Variants in GALNT17 observed in about 807,000 individuals in gnomAD.
The protein encoded by GALNT17 is UDP-GalNAc:polypeptide N-acetylgalactosaminyltransferase-like 3.
A neutral mutation model predicts 63.7 loss-of-function variants in GALNT17; 29 were observed. The observed-to-expected ratio is 0.46, with a 90% CI of 0.34 to 0.62. GALNT17 has a LOEUF of 0.62. GALNT17 is among the 20% of genes least tolerant of loss of function. The pLI is 0.01. For synonymous variants in GALNT17, 305 were observed against 318.3 expected (o/e 0.96, Z 0.45); for missense variants, 603 against 799.6 (o/e 0.75, Z 2.97).
At chr7:71,324,085 A>T (rs1362748621) in intron 1 of GALNT17, among the ~76,000 whole-genome samples, 1 of 152,222 alleles carries the variant, frequency 6.6e-6, no homozygotes, top group Non-Finnish European at 1.5e-5. Flanking sequence ...CCTTAAACAA[A>T]GGAAACAGCA....
At chr7:71,422,151 C>T (rs546984787) in intron 5 of GALNT17, among the ~76,000 whole-genome samples, 42 of 151,892 alleles carry the variant, frequency 2.8e-4, no homozygotes, top group African/African-American at 9.9e-4. Context: ...GTCAGGAGGG[C>T]TGGGTCAGGA....
In GALNT17 at chr7:71,172,455, T is replaced by TA. The variant is rs917331898; in HGVS notation, c.238+39426dup. On this transcript the variant is annotated intron_variant, in intron 1 of 10. Coordinates refer to ENST00000333538, the MANE Select transcript of GALNT17 (RefSeq NM_022479.3). ...AGCCCGGGTGACAGACACTCTGTCTTAAAAAAAAAAAGAAAAAAAAAAAAG... is the reference window on the plus strand; with the variant it reads ...AGCCCGGGTGACAGACACTCTGTCTTAAAAAAAAAAAAGAAAAAAAAAAAAG... 2.8e-3 allele frequency among the ~76,000 whole-genome samples: 367 copies of TA among 129,710 alleles called. 1 individual carries two copies. Among genetic ancestry groups the TA allele is most frequent in the African/African-American group, 9.2e-3 (297 of 32,206 alleles). 85.1% of individuals were successfully genotyped at this position (129,710 alleles called of 152,430 possible). A position where few individuals can be genotyped will look rare whatever the true frequency, so the allele number is the denominator to read the frequency against.
At chr7:71,616,823 T>C (rs1171891748) in intron 6 of GALNT17, among the ~76,000 whole-genome samples, 1 of 70,382 alleles carries the variant, frequency 1.4e-5, no homozygotes, top group Non-Finnish European at 2.9e-5. Context: ...AATTATATAA[T>C]CATATTATAT....
intron 4 of GALNT17, among the ~76,000 whole-genome samples, chr7:71,418,455 G>A (rs920775136): frequency 2.6e-5 from 4 of 152,128 alleles, no homozygotes; most frequent in African/African-American, 7.2e-5. Flanking sequence ...CGTCAGCTGC[G>A]GTTGTCTGGC....
At chr7:71,685,946 C>CTTT (rs1347994922) in intron 9 of GALNT17, among the ~76,000 whole-genome samples, 14 of 86,818 alleles carry the variant, frequency 1.6e-4, no homozygotes, top group African/African-American at 6.4e-4. Flanking sequence ...AAGGCAATTA[C>CTTT]TATTTTTTTT....
At chr7:71,448,716 G>A (rs1191453545) in intron 5 of GALNT17, among the ~76,000 whole-genome samples, 1 of 152,086 alleles carries the variant, frequency 6.6e-6, no homozygotes, top group African/African-American at 2.4e-5. Flanking sequence ...TTGAATCAGA[G>A]AATACAGGCG....
intron 1 of GALNT17, among the ~76,000 whole-genome samples, chr7:71,276,462 C>T (rs1370107965): frequency 3.3e-5 from 5 of 152,158 alleles, no homozygotes; most frequent in South Asian, 2.1e-4. Flanking sequence ...CCCCACATGT[C>T]GTGGGAGGGA....
Position 71,367,501 on chromosome 7 carries a change from G to A in GALNT17, c.423-20734G>A, listed in dbSNP as rs984333334. ...AGCTTCCCTTCTGTTTGACATGTTT[G>A]TTGGTGGTTTCCAGACAAGTGTCCC... On this transcript the variant is annotated intron_variant, in intron 2 of 10. Coordinates refer to ENST00000333538, the MANE Select transcript of GALNT17 (RefSeq NM_022479.3). Among the ~76,000 whole-genome samples, 8 of 152,306 alleles carry A rather than the reference G, an allele frequency of 5.3e-5. No homozygotes were observed. The East Asian group carries it at 1.5e-3, about 29-fold the overall frequency.
At chr7:71,648,473 G>C (rs941573711) in intron 6 of GALNT17, among the ~76,000 whole-genome samples, 1 of 151,974 alleles carries the variant, frequency 6.6e-6, no homozygotes, top group Non-Finnish European at 1.5e-5. Context: ...ACGGGGTCTT[G>C]TTATGTTGCC....
intron 5 of GALNT17, among the ~76,000 whole-genome samples, chr7:71,482,568 A>ATTT (rs578135530): frequency 1.1e-4 from 17 of 152,306 alleles, no homozygotes; most frequent in African/African-American, 4.1e-4. Context: ...CTGTATGGTA[A>ATTT]AGCGTGTTGC....
intron 1 of GALNT17, among the ~76,000 whole-genome samples, chr7:71,259,631 G>GTTTTTT (rs1164044325): frequency 1.6e-4 from 21 of 129,844 alleles, no homozygotes; most frequent in African/African-American, 5.9e-4. Flanking sequence ...GTCCTGTTTT[G>GTTTTTT]TTTTTTGTTT....
At chr7:71,149,510 T>C (rs764626066) in intron 1 of GALNT17, among the ~76,000 whole-genome samples, 1 of 152,068 alleles carries the variant, frequency 6.6e-6, no homozygotes, top group Non-Finnish European at 1.5e-5. Flanking sequence ...ACAAGGATGC[T>C]GTCAACTAGG....
intron 6 of GALNT17, 91 bp from the exon 7 acceptor site, chr7:71,665,318 CAA>C: frequency 7.6e-7 from 1 of 1,322,778 alleles, no homozygotes; most frequent in Non-Finnish European, 1.0e-6. Context: ...TACGTTTATG[CAA>C]AGTCAGCTGA....
chr7:71,465,993 A>G (rs186911648), intron 5 of GALNT17, among the ~76,000 whole-genome samples: 181 of 152,288 alleles, frequency 1.2e-3, no homozygotes, highest in African/African-American at 4.1e-3. Flanking sequence ...CAGACTCTCA[A>G]TCTCTCCTGG....
At chr7:71,171,225 C>T (rs560248017) in intron 1 of GALNT17, among the ~76,000 whole-genome samples, 6 of 152,230 alleles carry the variant, frequency 3.9e-5, no homozygotes, top group African/African-American at 1.2e-4. Flanking sequence ...GAATGTAAAA[C>T]GTAAAATGCT....
At chr7:71,500,980 A>T (rs1242167728) in intron 5 of GALNT17, among the ~76,000 whole-genome samples, 1 of 151,628 alleles carries the variant, frequency 6.6e-6, no homozygotes, top group Non-Finnish European at 1.5e-5. Flanking sequence ...TTATTTATTT[A>T]TTTTTTTGAG....
chr7:71,376,051 C>T (rs1792716018), intron 2 of GALNT17, among the ~76,000 whole-genome samples: 1 of 151,388 alleles, frequency 6.6e-6, no homozygotes, highest in Non-Finnish European at 1.5e-5. Context: ...TGCACTCCAG[C>T]CTGGGCCATA....
intron 5 of GALNT17, among the ~76,000 whole-genome samples, chr7:71,490,496 C>T (rs1275232384): frequency 6.6e-6 from 1 of 152,024 alleles, no homozygotes; most frequent in East Asian, 1.9e-4. Flanking sequence ...ACAGCTCTAG[C>T]AAGTGAGGCC....
chr7:71,421,165 C>T, intron 5 of GALNT17, 60 bp downstream of exon 5: 1 of 1,581,504 alleles, frequency 6.3e-7, no homozygotes, highest in South Asian at 1.1e-5. Flanking sequence ...TAAAAAGGAG[C>T]TACTGAGAGA....
Sources: allele counts gnomAD v4.1 joint callset (sites outside exome capture counted in the v4.1 genomes callset), GRCh38; gene constraint gnomAD v4.1.1; transcripts MANE v1.5; gene names NCBI Gene and HGNC (gene_info 2026-07-23, HGNC 2026-07-21).